SUGCT: variants seen among roughly 807,000 people sequenced by gnomAD.
SUGCT encodes succinyl-CoA:glutarate-CoA transferase.
A neutral mutation model predicts 55.0 loss-of-function variants in SUGCT; 41 were observed. That is an observed-to-expected ratio of 0.74 (90% CI 0.58 to 0.97). The LOEUF (loss-of-function observed/expected upper bound fraction) is 0.97, where lower values mean the gene tolerates loss of function less well. Among genes scored for constraint, SUGCT ranks in the 50% least tolerant of loss-of-function variants. The probability of loss-of-function intolerance (pLI) is 0.00; values close to 1 mark genes in which losing one functional copy is unlikely to be tolerated. For synonymous variants in SUGCT, 187 were observed against 200.4 expected (o/e 0.93, Z 0.56); for missense variants, 568 against 547.8 (o/e 1.04, Z -0.37).
At chr7:40,394,937 G>T (rs566202565) in intron 9 of SUGCT, among the ~76,000 whole-genome samples, 1 of 152,138 alleles carries the variant, frequency 6.6e-6, no homozygotes, top group Admixed American at 6.5e-5. Context: ...GGACACTTAA[G>T]TTGATTCCAT....
the SUGCT span, among the ~76,000 whole-genome samples, chr7:40,907,494 G>A: frequency 6.6e-6 from 1 of 152,150 alleles, no homozygotes; most frequent in African/African-American, 2.4e-5. Context: ...GTAAAGCAGT[G>A]CCTAAATGTA....
At chr7:40,986,515 G>A in the SUGCT span, among the ~76,000 whole-genome samples, 1 of 152,174 alleles carries the variant, frequency 6.6e-6, no homozygotes, top group East Asian at 1.9e-4. Flanking sequence ...ATGTGACTCC[G>A]ATAATATTTA....
At chr7:40,238,855 C>T (rs1253444498) in intron 7 of SUGCT, among the ~76,000 whole-genome samples, 1 of 144,554 alleles carries the variant, frequency 6.9e-6, no homozygotes, top group South Asian at 2.2e-4. Context: ...GAGTCTTGCT[C>T]TGTCGCCCAG....
chr7:40,532,033 A>G (rs963513291), intron 12 of SUGCT, among the ~76,000 whole-genome samples: 2 of 152,180 alleles, frequency 1.3e-5, no homozygotes, highest in Middle Eastern at 3.2e-3. Flanking sequence ...CAAGCCTTTC[A>G]TTTTGTCCTT....
chr7:40,687,687 C>T (rs1229193187), intron 12 of SUGCT, among the ~76,000 whole-genome samples: 1 of 152,198 alleles, frequency 6.6e-6, no homozygotes, highest in African/African-American at 2.4e-5. Flanking sequence ...GTCCTATTGG[C>T]ATGAGCTGAT....
At chr7:40,684,007 T>C (rs775004282) in intron 12 of SUGCT, 4 of 1,608,450 alleles carry the variant, frequency 2.5e-6, no homozygotes, top group Middle Eastern at 1.7e-4. Context: ...ATTCAAATCC[T>C]TGTGGTTGTA....
chr7:40,781,099 A>G (rs1258459673), intron 13 of SUGCT, among the ~76,000 whole-genome samples: 2 of 152,118 alleles, frequency 1.3e-5, no homozygotes, highest in East Asian at 1.9e-4. Flanking sequence ...TTCTCCATGT[A>G]CAGTTACAAT....
chr7:40,614,922 A>G (rs1180341287), intron 12 of SUGCT, among the ~76,000 whole-genome samples: 1 of 151,982 alleles, frequency 6.6e-6, no homozygotes, highest in African/African-American at 2.4e-5. Context: ...CGGGCATGGT[A>G]GCAGGTGCCT....
chr7:40,446,699 C>T (rs1788856614), intron 9 of SUGCT, among the ~76,000 whole-genome samples: 1 of 152,100 alleles, frequency 6.6e-6, no homozygotes, highest in African/African-American at 2.4e-5. Context: ...TTAGCATTTA[C>T]CAACTATTTA....
intron 9 of SUGCT, among the ~76,000 whole-genome samples, chr7:40,366,386 A>G (rs991169086): frequency 2.0e-5 from 3 of 152,174 alleles, no homozygotes; most frequent in Non-Finnish European, 2.9e-5. Flanking sequence ...ACCAAAAGCA[A>G]TGGCAACAAA....
At chr7:40,212,030 T>C (rs1787367602) in intron 6 of SUGCT, among the ~76,000 whole-genome samples, 1 of 152,114 alleles carries the variant, frequency 6.6e-6, no homozygotes, top group Admixed American at 6.6e-5. Flanking sequence ...AGGCCATGGA[T>C]ACCAAATACT....
chr7:40,197,234 A>G (rs74815716), intron 6 of SUGCT, among the ~76,000 whole-genome samples: 17,603 of 152,210 alleles, frequency 0.12, 1,127 homozygotes, highest in Middle Eastern at 0.18. Flanking sequence ...TTATAGATCC[A>G]TAATCATATT....
intron 13 of SUGCT, among the ~76,000 whole-genome samples, chr7:40,779,198 A>T (rs558933521): frequency 6.6e-6 from 1 of 152,282 alleles, no homozygotes; most frequent in African/African-American, 2.4e-5. Context: ...ATGACCTCTA[A>T]GGACCATTAA....
chr7:40,674,975 A>C (rs972927376), intron 12 of SUGCT, among the ~76,000 whole-genome samples: 1 of 152,074 alleles, frequency 6.6e-6, no homozygotes, highest in African/African-American at 2.4e-5. Flanking sequence ...TTAAGAATAT[A>C]AATTAGAGTA....
intron 1 of SUGCT, among the ~76,000 whole-genome samples, chr7:40,144,619 C>A (rs1371361165): frequency 2.6e-5 from 4 of 151,944 alleles, no homozygotes; most frequent in Admixed American, 2.6e-4. Context: ...AGGGGTGGTA[C>A]CTGTGCTAAA....
chr7:40,651,814 C>T (rs564382728), intron 12 of SUGCT, among the ~76,000 whole-genome samples: 70 of 152,242 alleles, frequency 4.6e-4, no homozygotes, highest in Middle Eastern at 6.8e-3. Flanking sequence ...TGCTTACCAC[C>T]GCATTTTTGT....
chr7:40,614,159 C>A (rs1452927022), intron 12 of SUGCT, among the ~76,000 whole-genome samples: 2 of 151,702 alleles, frequency 1.3e-5, no homozygotes, highest in African/African-American at 4.8e-5. Context: ...ATCCAATTGA[C>A]TTTGAAGAAT....
the SUGCT span, among the ~76,000 whole-genome samples, chr7:40,923,239 C>G: frequency 1.3e-5 from 2 of 152,182 alleles, no homozygotes; most frequent in Non-Finnish European, 2.9e-5. Flanking sequence ...AAAAGCATTG[C>G]AGTTACTTGG....
chr7:40,754,707 T>C (rs1198671852), intron 13 of SUGCT, among the ~76,000 whole-genome samples: 1 of 152,204 alleles, frequency 6.6e-6, no homozygotes, highest in East Asian at 1.9e-4. Context: ...TATGCTTCAC[T>C]TTCAGTGTGT....
Sources: allele counts gnomAD v4.1 joint callset (sites outside exome capture counted in the v4.1 genomes callset), GRCh38; gene constraint gnomAD v4.1.1; transcripts MANE v1.5; gene names NCBI Gene and HGNC (gene_info 2026-07-23, HGNC 2026-07-21).